OR10A2: variants seen among roughly 807,000 people sequenced by gnomAD.
The protein encoded by OR10A2 is olfactory receptor family 10 subfamily A member 2, also known as olfactory receptor 10A2.
A neutral mutation model predicts 13.7 loss-of-function variants in OR10A2; 15 were observed. The observed-to-expected ratio is 1.10, with a 90% CI of 0.73 to 1.69. The LOEUF (loss-of-function observed/expected upper bound fraction) is 1.69. Among genes scored for constraint, OR10A2 ranks in the 40% most tolerant of loss-of-function variants. The pLI is 0.00. For missense variants in OR10A2, 343 were observed against 361.1 expected (o/e 0.95, Z 0.41); for synonymous variants, 145 against 144.7 (o/e 1.00, Z -0.02).
intron 1 of OR10A2, among the ~76,000 whole-genome samples, chr11:6,864,322 T>C (rs2741766): frequency 0.69 from 104,006 of 151,658 alleles, 36,364 homozygotes; most frequent in African/African-American, 0.83. Flanking sequence ...AAAAGAACAG[T>C]CATTGAGAAA....
At chr11:6,864,161 C>A (rs543189204) in intron 1 of OR10A2, among the ~76,000 whole-genome samples, 159 of 152,236 alleles carry the variant, frequency 1.0e-3, no homozygotes, top group African/African-American at 3.6e-3. Context: ...GGAGACGGGG[C>A]ACTAGCTTTT....
chr11:6,864,256 C>G (rs563234331), intron 1 of OR10A2, among the ~76,000 whole-genome samples: 82 of 151,512 alleles, frequency 5.4e-4, no homozygotes, highest in Admixed American at 3.8e-3. Context: ...CCGCCAGCAC[C>G]ACATACAACA....
chr11:6,866,420 CT>C lies in OR10A2; in HGVS notation c.-133+3078del, dbSNP rs1179670865. 1.2e-4 allele frequency among the ~76,000 whole-genome samples: 18 copies of C among 151,676 alleles called. No individual in the cohort carries two copies. In the East Asian group the frequency reaches 3.3e-3, roughly 28 times the overall value. ...ACTTTCTTAAACCTTTATGAGATTT[CT>C]TTTTTTTTAATTTTAGCTTATCAGC... On this transcript the variant is annotated intron_variant, in intron 1 of 1. Coordinates refer to ENST00000641461, the MANE Select transcript of OR10A2 (RefSeq NM_001004460.2).
chr11:6,864,406 C>A (rs1848364522), intron 1 of OR10A2, among the ~76,000 whole-genome samples: 1 of 152,098 alleles, frequency 6.6e-6, no homozygotes, highest in Non-Finnish European at 1.5e-5. Flanking sequence ...TTTATACAAT[C>A]AGCTGTCCAA....
In OR10A2 at chr11:6,870,886, T is replaced by G; in HGVS notation, c.*220T>G. The G allele has an allele frequency of 2.3e-6, 1 of 439,996 alleles. No homozygotes were observed. The highest frequency in any genetic ancestry group is 2.0e-5 in the African/African-American group (1 of 51,018). 27.3% of individuals were successfully genotyped at this position (439,996 alleles called of 1,614,324 possible). ...CTGCCCATTGTAGACTTACATTGTT[T>G]TCCTTGTTTCAACTGGTATGACAGC... is the stretch of plus-strand genomic sequence containing the variant. On this transcript the variant is annotated 3_prime_UTR_variant, in exon 2 of 2. Transcript: ENST00000641461.
intron 1 of OR10A2, among the ~76,000 whole-genome samples, chr11:6,865,233 C>T (rs1848370952): frequency 6.7e-6 from 1 of 148,830 alleles, no homozygotes; most frequent in Admixed American, 6.7e-5. Flanking sequence ...TAATAAATCC[C>T]CTCCTTTTAC....
intron 1 of OR10A2, among the ~76,000 whole-genome samples, chr11:6,868,233 G>A (rs1564920531): frequency 1.3e-5 from 2 of 152,114 alleles, no homozygotes; most frequent in Non-Finnish European, 2.9e-5. Flanking sequence ...TAAGAATGGT[G>A]TTTTTTCCTT....
rs1320396901 is a variant in OR10A2 at position 6,870,429 on chromosome 11, T to C, written c.675T>C (p.Phe225=). The change falls in exon 2 of 2, where the codon TTT becomes TTC. Residue 225 remains phenylalanine, a synonymous_variant. Transcript: ENST00000641461. The stretch of plus-strand genomic sequence containing the variant: ...CAGCTAAAGGGAAGAATAAAGCCTT[T>C]TCTACATGTTCCTCACACCTCCTTG... ...IPSAKGKNKA[F]STCSSHLLVV... 2.5e-6 allele frequency: 4 copies of C among 1,614,104 alleles called. No homozygotes were observed. The highest frequency in any genetic ancestry group is 2.7e-5 in the African/African-American group (2 of 74,930).
In OR10A2 at chr11:6,874,686, C is replaced by A. The variant is rs1483211864; in HGVS notation, c.*4020C>A. The A allele has an allele frequency of 3.3e-5, 5 of 152,168 alleles. No individual in the cohort carries two copies. Among genetic ancestry groups the A allele is most frequent in the Admixed American group, 3.3e-4 (5 of 15,284 alleles). The allele number at this position is 152,168 out of a possible 1,614,324, so 9.4% of individuals were successfully genotyped here. ...ATGGGTATAATACTATCTGTATCTT[C>A]AGGTGTTGTGAGAATCAAATAAGAT... On this transcript the variant is annotated 3_prime_UTR_variant, in exon 2 of 2. Transcript: ENST00000641461.
At chr11:6,864,175 C>G (rs976459661) in intron 1 of OR10A2, among the ~76,000 whole-genome samples, 1 of 152,128 alleles carries the variant, frequency 6.6e-6, no homozygotes, top group Non-Finnish European at 1.5e-5. Context: ...AGCTTTTCTT[C>G]CCCAGTAGTT....
In OR10A2 at chr11:6,870,279, C is replaced by G; in HGVS notation, c.525C>G (p.Val175=). ...ACAGCCCACCTGTGCTGAGGCTGGT[C>G]TGTGCAGACACAGCACTCTTTGAGA... ...FCDSPPVLRL[V]CADTALFEIY... The change falls in exon 2 of 2, where the codon GTC becomes GTG. Residue 175 remains valine, a synonymous_variant. Transcript: ENST00000641461. 1 of 1,614,008 alleles carries G rather than the reference C, an allele frequency of 6.2e-7. No individual in the cohort carries two copies. The highest frequency in any genetic ancestry group is 1.1e-5 in the South Asian group (1 of 91,064).
At chr11:6,865,745 G>GT (rs1229287523) in intron 1 of OR10A2, among the ~76,000 whole-genome samples, 1 of 152,108 alleles carries the variant, frequency 6.6e-6, no homozygotes, top group Non-Finnish European at 1.5e-5. Context: ...CTTTTTATCA[G>GT]TTTTTTATGT....
intron 1 of OR10A2, among the ~76,000 whole-genome samples, chr11:6,865,084 A>C (rs1362469035): frequency 3.5e-5 from 5 of 141,284 alleles, no homozygotes; most frequent in African/African-American, 1.3e-4. Context: ...TATATATGAT[A>C]ATATATATGA....
At chr11:6,868,332 G>A (rs1848396261) in intron 1 of OR10A2, among the ~76,000 whole-genome samples, 1 of 151,982 alleles carries the variant, frequency 6.6e-6, no homozygotes, top group Non-Finnish European at 1.5e-5. Context: ...TAAATAAGTT[G>A]TCTGCTGCTT....
intron 1 of OR10A2, among the ~76,000 whole-genome samples, chr11:6,867,848 C>T (rs2133068730): frequency 6.6e-6 from 1 of 152,276 alleles, no homozygotes. Context: ...CTCCCGAGCT[C>T]TGGTGATCCT....
At chr11:6,866,932 C>T (rs1848383477) in intron 1 of OR10A2, among the ~76,000 whole-genome samples, 1 of 152,038 alleles carries the variant, frequency 6.6e-6, no homozygotes, top group South Asian at 2.1e-4. Context: ...ATTTCTACCC[C>T]TCTCCATTCT....
intron 1 of OR10A2, among the ~76,000 whole-genome samples, chr11:6,864,090 C>G (rs1045202980): frequency 6.6e-6 from 1 of 152,198 alleles, no homozygotes; most frequent in Non-Finnish European, 1.5e-5. Context: ...TCTAGAGGAA[C>G]TGGCAAGAAC....
chr11:6,866,442 T>C (rs918917890), intron 1 of OR10A2, among the ~76,000 whole-genome samples: 3 of 152,206 alleles, frequency 2.0e-5, no homozygotes, highest in Non-Finnish European at 2.9e-5. Flanking sequence ...TTTTAGCTTA[T>C]CAGCCAATTC....
At position 6,873,895 on chromosome 11, in the gene OR10A2, A is replaced by C. The variant is rs948585322; in HGVS notation, c.*3229A>C. On this transcript the variant is annotated 3_prime_UTR_variant, in exon 2 of 2. Transcript: ENST00000641461. ...CAGAGAAAATAAATCCAGAACCTAA[A>C]GGCAGTGGTGGTAGAGCTGGAGAAG... is the stretch of plus-strand genomic sequence containing the variant. The C allele has an allele frequency of 1.3e-5, 2 of 152,252 alleles. No individual in the cohort carries two copies. Among genetic ancestry groups the C allele is most frequent in the Non-Finnish European group, 2.9e-5 (2 of 68,060 alleles). 9.4% of individuals were successfully genotyped at this position (152,252 alleles called of 1,614,324 possible).
Sources: allele counts gnomAD v4.1 joint callset (sites outside exome capture counted in the v4.1 genomes callset), GRCh38; gene constraint gnomAD v4.1.1; transcripts MANE v1.5; gene names NCBI Gene and HGNC (gene_info 2026-07-23, HGNC 2026-07-21).